DCHS2: variants seen among roughly 807,000 people sequenced by gnomAD.
DCHS2 encodes the protein dachsous cadherin-related 2, also known as protocadherin-23.
DCHS2 carries 142 observed loss-of-function variants against 182.4 expected under a neutral mutation model. That is an observed-to-expected ratio of 0.78 (90% CI 0.68 to 0.89). The LOEUF (loss-of-function observed/expected upper bound fraction) is 0.89, where lower values mean the gene tolerates loss of function less well. DCHS2 is among the 40% of genes least tolerant of loss of function. DCHS2 has a pLI of 0.00. For missense variants in DCHS2, 4,319 were observed against 4,198.6 expected (o/e 1.03, Z -0.79); for synonymous variants, 1,740 against 1,663.3 (o/e 1.05, Z -1.12).
At chr4:154,279,892 G>A (rs1734046905) in intron 13 of DCHS2, among the ~76,000 whole-genome samples, 2 of 151,440 alleles carry the variant, frequency 1.3e-5, no homozygotes, top group African/African-American at 2.4e-5. Flanking sequence ...AGAAATAAAT[G>A]ACATTATAGA....
rs1195145026 is a variant in DCHS2 at position 154,235,989 on chromosome 4, G to T, written c.8663C>A (p.Thr2888Asn). ...TCTGTCTTTATTCTTTTCTGGGAGG[G>T]TGAAAAAATACTGATCTTGAGTGAA... ...PIFTQDQYFFTLPEKNKDRQL... is the reference protein window; with the variant it reads ...PIFTQDQYFFNLPEKNKDRQL... The change falls in exon 20 of 20, where the codon ACC (threonine) becomes AAC (asparagine). Residue 2888 changes from threonine (T) to asparagine (N), a missense_variant. Transcript: ENST00000357232. The T allele has an allele frequency of 5.6e-6, 9 of 1,613,810 alleles. No homozygotes were observed. The Admixed American group carries it at 1.5e-4, about 27-fold the overall frequency.
At chr4:154,476,917 CAAGG>C (rs1560781031) in intron 1 of DCHS2, among the ~76,000 whole-genome samples, 1 of 151,888 alleles carries the variant, frequency 6.6e-6, no homozygotes, top group Non-Finnish European at 1.5e-5. Context: ...CTTAGGTGGT[CAAGG>C]AAGGCTTCCT....
intron 10 of DCHS2, among the ~76,000 whole-genome samples, chr4:154,308,291 G>A (rs1329568195): frequency 6.6e-6 from 1 of 151,854 alleles, no homozygotes; most frequent in African/African-American, 2.4e-5. Flanking sequence ...CAAAAGAAGG[G>A]AGGGGAGGAA....
Position 154,235,969 on chromosome 4 carries a change from C to G in DCHS2, c.8683G>C (p.Asp2895His), listed in dbSNP as rs145835627. 3 of 1,613,878 alleles carry G rather than the reference C, an allele frequency of 1.9e-6. No homozygotes were observed. Among genetic ancestry groups the G allele is most frequent in the Non-Finnish European group, 2.5e-6 (3 of 1,179,944 alleles). The change falls in exon 20 of 20, where the codon GAC becomes CAC. Residue 2895 changes from aspartate to histidine, a missense_variant. Coordinates refer to ENST00000357232, the MANE Select transcript of DCHS2 (RefSeq NM_001358235.2). ...YFFTLPEKNKDRQLIGRVEAS... is the reference protein window; with the variant it reads ...YFFTLPEKNKHRQLIGRVEAS... ...TCCACTCTGCCAATCAACTGTCTGT[C>G]TTTATTCTTTTCTGGGAGGGTGAAA... is the stretch of plus-strand genomic sequence containing the variant.
chr4:154,297,889 T>C lies in DCHS2; in HGVS notation c.6425A>G (p.His2142Arg), dbSNP rs1239777016. The change falls in exon 13 of 20, where the codon CAC (histidine) becomes CGC (arginine). Residue 2142 changes from histidine to arginine, a missense_variant. Coordinates refer to ENST00000357232, the MANE Select transcript of DCHS2 (RefSeq NM_001358235.2). ...GEDVKISFSHHLYKGLVTENC... is the reference protein window; with the variant it reads ...GEDVKISFSHRLYKGLVTENC... ...TTCAGTCACGAGCCCTTTATACAGGTGGTGGCTGAAGGAAATCTTTACATC... is the reference window on the plus strand; with the variant it reads ...TTCAGTCACGAGCCCTTTATACAGGCGGTGGCTGAAGGAAATCTTTACATC... 1.9e-6 allele frequency: 3 copies of C among 1,613,928 alleles called. No homozygotes were observed. The highest frequency in any genetic ancestry group is 1.7e-6 in the Non-Finnish European group (2 of 1,179,894).
At chr4:154,444,562 C>T (rs1386768725) in intron 1 of DCHS2, among the ~76,000 whole-genome samples, 1 of 152,176 alleles carries the variant, frequency 6.6e-6, no homozygotes, top group Non-Finnish European at 1.5e-5. Context: ...GAGCCAGCAC[C>T]ACCTTGCACC....
At chr4:154,485,137 G>C (rs1203123948) in intron 1 of DCHS2, among the ~76,000 whole-genome samples, 2 of 151,722 alleles carry the variant, frequency 1.3e-5, no homozygotes, top group Non-Finnish European at 2.9e-5. Flanking sequence ...GGAATATACA[G>C]GAAGAGATTA....
At chr4:154,454,451 C>T (rs1170928458) in intron 1 of DCHS2, among the ~76,000 whole-genome samples, 2 of 151,952 alleles carry the variant, frequency 1.3e-5, no homozygotes, top group Non-Finnish European at 1.5e-5. Context: ...ACCATGTTGC[C>T]CAGGCTAACA....
chr4:154,408,577 A>G (rs997178289), intron 1 of DCHS2, among the ~76,000 whole-genome samples: 3 of 152,244 alleles, frequency 2.0e-5, no homozygotes, highest in African/African-American at 7.2e-5. Context: ...AAGATAGCCA[A>G]CTAGAAGCCC....
chr4:154,435,869 A>G (rs1439320897), intron 1 of DCHS2, among the ~76,000 whole-genome samples: 1 of 152,234 alleles, frequency 6.6e-6, no homozygotes, highest in Admixed American at 6.5e-5. Flanking sequence ...TCTGAGCTTG[A>G]TGAGAAACCT....
At chr4:154,433,269 T>G (rs1281638483) in intron 1 of DCHS2, among the ~76,000 whole-genome samples, 2 of 151,788 alleles carry the variant, frequency 1.3e-5, no homozygotes, top group Non-Finnish European at 2.9e-5. Context: ...CCCAGAAGCT[T>G]GGAGGAAATG....
chr4:154,273,105 C>G (rs924218082), intron 13 of DCHS2, among the ~76,000 whole-genome samples: 4 of 152,056 alleles, frequency 2.6e-5, no homozygotes, highest in African/African-American at 7.2e-5. Flanking sequence ...GATATCTACC[C>G]AGAGGAAAAG....
At chr4:154,465,484 C>T (rs1048305655) in intron 1 of DCHS2, among the ~76,000 whole-genome samples, 2 of 152,102 alleles carry the variant, frequency 1.3e-5, no homozygotes, top group Non-Finnish European at 2.9e-5. Flanking sequence ...GCCTGGACAA[C>T]ATCGTGAAAC....
At position 154,333,372 on chromosome 4, in the gene DCHS2, C is replaced by T. The variant is rs1228661252; in HGVS notation, c.2836G>A (p.Val946Ile). The T allele has an allele frequency of 1.9e-6, 3 of 1,614,132 alleles. No homozygotes were observed. The Admixed American group carries it at 5.0e-5, about 27-fold the overall frequency. ...AGCTGCGCCTGCACCGTGAGCACAA[C>T]CACGGGCTGCGTCTCGTGATCCAGG... ...KPLDHETQPV[V>I]VLTVQAQLGS... The change falls in exon 5 of 20, where the codon GTT becomes ATT. Residue 946 changes from valine (V) to isoleucine (I), a missense_variant. Val to Ile is a conservative substitution (Grantham distance 29). Coordinates refer to ENST00000357232, the MANE Select transcript of DCHS2 (RefSeq NM_001358235.2).
intron 3 of DCHS2, among the ~76,000 whole-genome samples, chr4:154,351,320 AG>A (rs1177663889): frequency 6.6e-6 from 1 of 152,174 alleles, no homozygotes; most frequent in African/African-American, 2.4e-5. Flanking sequence ...GCAAATTTGG[AG>A]GGGGTTGTAG....
intron 3 of DCHS2, among the ~76,000 whole-genome samples, chr4:154,348,450 G>C (rs1729458840): frequency 6.6e-6 from 1 of 151,916 alleles, no homozygotes; most frequent in South Asian, 2.1e-4. Context: ...AGGTAATATA[G>C]TAAGTTGGAT....
At chr4:154,298,751 TAGC>T (rs143687420) in intron 12 of DCHS2, 43 bp from the exon 13 acceptor site, 32,609 of 1,522,940 alleles carry the variant, frequency 0.021, 432 homozygotes, top group Non-Finnish European at 0.025. Context: ...ATTGAAAAAG[TAGC>T]AGCTCTTTGC....
chr4:154,241,295 T>A (rs1361878141), intron 17 of DCHS2, among the ~76,000 whole-genome samples: 1 of 152,178 alleles, frequency 6.6e-6, no homozygotes, highest in Non-Finnish European at 1.5e-5. Context: ...TATTTCCTTA[T>A]ATTTATTTTT....
At position 154,491,129 on chromosome 4, in the gene DCHS2, C is replaced by T. The variant is rs1728818395; in HGVS notation, c.227G>A (p.Gly76Glu). Residue 76 changes from glycine (G) to glutamate (E), a missense_variant, in exon 1 of 20, where the codon GGG becomes GAG. Coordinates refer to ENST00000357232, the MANE Select transcript of DCHS2 (RefSeq NM_001358235.2). ...ACCTACCAGCGTGTCCGGGGGAAGC[C>T]CCTCATCTACGGAAAGGGTGAGGTT... The part of the protein sequence containing the change: ...LFNLTLSVDE[G>E]LPPDTLVGDI... 1.3e-6 allele frequency: 2 copies of T among 1,551,446 alleles called. No homozygotes were observed. Among genetic ancestry groups the T allele is most frequent in the Non-Finnish European group, 1.7e-6 (2 of 1,146,892 alleles).
Sources: allele counts gnomAD v4.1 joint callset (sites outside exome capture counted in the v4.1 genomes callset), GRCh38; gene constraint gnomAD v4.1.1; transcripts MANE v1.5; gene names NCBI Gene and HGNC (gene_info 2026-07-23, HGNC 2026-07-21).